The following TBC1D22A variants were observed in gnomAD, a reference collection of about 807,000 sequenced individuals.
TBC1D22A encodes the protein putative GTPase activator.
TBC1D22A carries 38 observed loss-of-function variants against 60.2 expected under a neutral mutation model. The ratio of observed to expected loss-of-function variants is 0.63; its 90% confidence interval spans 0.49 to 0.83. TBC1D22A has a LOEUF of 0.83. Ranked by LOEUF, TBC1D22A falls within the 40% of genes least tolerant of loss-of-function variation. The pLI is 0.00. For synonymous variants in TBC1D22A, 302 were observed against 281.7 expected (o/e 1.07, Z -0.72); for missense variants, 628 against 701.0 (o/e 0.90, Z 1.18).
At chr22:47,112,263 C>A (rs567589800) in intron 12 of TBC1D22A, among the ~76,000 whole-genome samples, 1 of 152,352 alleles carries the variant, frequency 6.6e-6, no homozygotes, top group Non-Finnish European at 1.5e-5. Flanking sequence ...ACCCACTGTT[C>A]CCCAAGGTGC....
At chr22:46,791,314 A>AT (rs1446077286) in intron 1 of TBC1D22A, among the ~76,000 whole-genome samples, 1 of 152,094 alleles carries the variant, frequency 6.6e-6, no homozygotes, top group African/African-American at 2.4e-5. Context: ...ACAAACAGAG[A>AT]TTCGTTTATT....
intron 7 of TBC1D22A, among the ~76,000 whole-genome samples, chr22:46,911,143 C>T (rs954289472): frequency 1.3e-5 from 2 of 152,022 alleles, no homozygotes; most frequent in East Asian, 1.9e-4. Flanking sequence ...ATGAAACCCT[C>T]CTTATGAGTG....
chr22:47,127,684 A>G lies in TBC1D22A; in HGVS notation c.1425+16081A>G, dbSNP rs2066516072. On this transcript the variant is annotated intron_variant, in intron 12 of 12. Transcript: ENST00000337137. ...GTGGAGAGAGAACATCCGCCTCGTC[A>G]TTGTTCACTGAGAGAATGTGAGTGG... is the stretch of plus-strand genomic sequence containing the variant. Among the ~76,000 whole-genome samples the G allele has an allele frequency of 2.0e-5, 3 of 152,132 alleles. No individual in the cohort carries two copies. In the South Asian group the frequency reaches 6.2e-4, roughly 31 times the overall value.
chr22:47,026,700 A>G (rs929253361), intron 10 of TBC1D22A, among the ~76,000 whole-genome samples: 3 of 152,262 alleles, frequency 2.0e-5, no homozygotes, highest in African/African-American at 7.2e-5. Flanking sequence ...CTATGATAAA[A>G]TATGTAATAG....
chr22:46,902,429 C>G (rs2069065008), intron 7 of TBC1D22A, among the ~76,000 whole-genome samples: 1 of 152,236 alleles, frequency 6.6e-6, no homozygotes, highest in African/African-American at 2.4e-5. Flanking sequence ...GTTACTAGAA[C>G]TTTAGTAGCT....
At chr22:47,173,386 G>A (rs529017693) in intron 12 of TBC1D22A, 112 bp from the exon 13 acceptor site, 16 of 1,435,146 alleles carry the variant, frequency 1.1e-5, no homozygotes, top group Admixed American at 3.8e-5. Flanking sequence ...GCCCTGCACC[G>A]TGGGTCACCT....
At chr22:46,838,578 G>A (rs538885574) in intron 4 of TBC1D22A, among the ~76,000 whole-genome samples, 2 of 152,204 alleles carry the variant, frequency 1.3e-5, no homozygotes, top group Non-Finnish European at 2.9e-5. Context: ...ATTATACCCT[G>A]ATTTAAAAGC....
chr22:46,893,154 C>T lies in TBC1D22A; in HGVS notation c.838-1630C>T, dbSNP rs191269862. ...GGAGTGGGGTGGCCTCGGCAGGTTT[C>T]CCGCTTGCTTTCCATCCTTTCTTCA... On this transcript the variant is annotated intron_variant, in intron 6 of 12. Coordinates refer to ENST00000337137, the MANE Select transcript of TBC1D22A (RefSeq NM_014346.5). Among the ~76,000 whole-genome samples the T allele has an allele frequency of 7.4e-4, 112 of 152,334 alleles. 1 individual carries two copies. Among genetic ancestry groups the T allele is most frequent in the African/African-American group, 2.5e-3 (106 of 41,578 alleles).
At chr22:47,169,506 A>G (rs2068349661) in intron 12 of TBC1D22A, among the ~76,000 whole-genome samples, 1 of 151,970 alleles carries the variant, frequency 6.6e-6, no homozygotes, top group Admixed American at 6.6e-5. Flanking sequence ...AGAACCGTCA[A>G]CCTCCAGGCC....
chr22:47,171,667 C>T (rs1466627930), intron 12 of TBC1D22A, among the ~76,000 whole-genome samples: 1 of 152,210 alleles, frequency 6.6e-6, no homozygotes, highest in Non-Finnish European at 1.5e-5. Context: ...TCCCCGGAGA[C>T]CTGCCCTGCC....
intron 10 of TBC1D22A, among the ~76,000 whole-genome samples, chr22:47,008,005 G>A (rs1222795029): frequency 6.6e-6 from 1 of 152,212 alleles, no homozygotes; most frequent in Non-Finnish European, 1.5e-5. Flanking sequence ...GGCAGGTGGA[G>A]CAGAAGAATC....
chr22:47,038,982 T>G (rs2062748827), intron 11 of TBC1D22A, among the ~76,000 whole-genome samples: 1 of 152,200 alleles, frequency 6.6e-6, no homozygotes, highest in Non-Finnish European at 1.5e-5. Context: ...TGCTGTCCGT[T>G]TTTGTGATTG....
chr22:47,144,917 T>C lies in TBC1D22A; in HGVS notation c.1426-28581T>C, dbSNP rs2067235066. 2.0e-5 allele frequency among the ~76,000 whole-genome samples: 3 copies of C among 152,116 alleles called. No homozygotes were observed. In the South Asian group the frequency reaches 6.2e-4, roughly 32 times the overall value. ...GGGTGCAGCCCGTGAAGGTGCCTGC[T>C]GGCTGAGATCCTGGGTCTTGGGGTC... On this transcript the variant is annotated intron_variant, in intron 12 of 12. Coordinates refer to ENST00000337137, the MANE Select transcript of TBC1D22A (RefSeq NM_014346.5).
chr22:46,999,219 G>A (rs538186380), intron 10 of TBC1D22A, among the ~76,000 whole-genome samples: 5 of 152,348 alleles, frequency 3.3e-5, no homozygotes, highest in African/African-American at 9.6e-5. Flanking sequence ...GCACATTGCG[G>A]ATTCGCTGGA....
intron 10 of TBC1D22A, among the ~76,000 whole-genome samples, chr22:47,021,308 G>A (rs1455082217): frequency 6.9e-6 from 1 of 143,982 alleles, no homozygotes; most frequent in African/African-American, 2.6e-5. Context: ...AGGGAACCTA[G>A]CAGAACCCCA....
intron 4 of TBC1D22A, among the ~76,000 whole-genome samples, chr22:46,805,633 AG>A (rs1365255872): frequency 1.3e-5 from 2 of 152,122 alleles, no homozygotes; most frequent in Non-Finnish European, 2.9e-5. Context: ...TCCTGGTGGT[AG>A]GGGGAGCTGC....
chr22:47,122,222 A>G (rs1274008825), intron 12 of TBC1D22A, among the ~76,000 whole-genome samples: 1 of 152,048 alleles, frequency 6.6e-6, no homozygotes, highest in Non-Finnish European at 1.5e-5. Context: ...TCTGCAGGTC[A>G]CCCCAGCTCC....
chr22:46,781,780 G>A (rs1484826386), intron 1 of TBC1D22A, among the ~76,000 whole-genome samples: 2 of 152,148 alleles, frequency 1.3e-5, no homozygotes, highest in East Asian at 1.9e-4. Flanking sequence ...TCCTGTCGTG[G>A]GTTAGAGTCT....
chr22:46,778,910 G>C (rs918850387), intron 1 of TBC1D22A, among the ~76,000 whole-genome samples: 2 of 152,120 alleles, frequency 1.3e-5, no homozygotes, highest in Non-Finnish European at 2.9e-5. Flanking sequence ...CGGGCGTGGT[G>C]GTGGGCACCT....
Sources: gnomAD v4.1 joint callset for allele counts (sites outside exome capture counted in the v4.1 genomes callset) on GRCh38, gnomAD v4.1.1 for gene constraint, MANE v1.5 for transcripts, NCBI Gene and HGNC (gene_info 2026-07-23, HGNC 2026-07-21) for gene names.